SNAP29: variants seen among roughly 807,000 people sequenced by gnomAD.
SNAP29 encodes the protein synaptosome associated protein 29.
A neutral mutation model predicts 27.9 loss-of-function variants in SNAP29; 13 were observed. That is an observed-to-expected ratio of 0.47 (90% CI 0.30 to 0.74). The LOEUF is 0.74. Ranked by LOEUF, SNAP29 falls within the 30% of genes least tolerant of loss-of-function variation. The pLI is 0.06. For missense variants in SNAP29, 368 were observed against 336.5 expected (o/e 1.09, Z -0.73); for synonymous variants, 119 against 127.1 (o/e 0.94, Z 0.43).
chr22:20,863,146 C>T (rs527324930), intron 1 of SNAP29, among the ~76,000 whole-genome samples: 2 of 152,330 alleles, frequency 1.3e-5, no homozygotes, highest in South Asian at 2.1e-4. Flanking sequence ...ACCTTGGCCT[C>T]CCAGTGCTGG....
chr22:20,868,871 C>T (rs370551249), intron 1 of SNAP29, among the ~76,000 whole-genome samples: 30 of 152,322 alleles, frequency 2.0e-4, no homozygotes, highest in African/African-American at 6.5e-4. Context: ...CAACCAGAAC[C>T]ATCAGCTCTG....
intron 1 of SNAP29, among the ~76,000 whole-genome samples, chr22:20,860,535 T>G (rs989167267): frequency 1.7e-4 from 26 of 151,368 alleles, no homozygotes; most frequent in African/African-American, 6.3e-4. Context: ...ACCCGGCTAA[T>G]TTTTTTTGTA....
At position 20,888,199 on chromosome 22, in the gene SNAP29, C is replaced by A. The variant is rs1601657181; in HGVS notation, c.*363C>A. ...AGAATTTCAGTCTTGCAGCCATGAG[C>A]CTCTATTTCTCATTCCTAAGCCTTA... On this transcript the variant is annotated 3_prime_UTR_variant, in exon 5 of 5. Coordinates refer to ENST00000215730, the MANE Select transcript of SNAP29 (RefSeq NM_004782.4). 5.8e-6 allele frequency: 2 copies of A among 345,710 alleles called. No homozygotes were observed. The highest frequency in any genetic ancestry group is 1.6e-4 in the East Asian group (2 of 12,850). The allele number at this position is 345,710 out of a possible 1,614,324, so 21.4% of individuals were successfully genotyped here. A position where few individuals can be genotyped will look rare whatever the true frequency, so the allele number is the denominator to read the frequency against.
intron 2 of SNAP29, among the ~76,000 whole-genome samples, chr22:20,877,785 T>A (rs556581644): frequency 6.6e-6 from 1 of 152,144 alleles, no homozygotes; most frequent in Admixed American, 6.5e-5. Flanking sequence ...ACCATTGTTT[T>A]CCTCATTTAT....
Position 20,877,006 on chromosome 22 carries a change from C to T in SNAP29, c.435-4043C>T, listed in dbSNP as rs7288190. Among the ~76,000 whole-genome samples the T allele has an allele frequency of 6.1e-4, 93 of 152,290 alleles. 1 individual carries two copies. The highest frequency in any genetic ancestry group is 2.0e-3 in the African/African-American group (85 of 41,572). On this transcript the variant is annotated intron_variant, in intron 2 of 4. Coordinates refer to ENST00000215730, the MANE Select transcript of SNAP29 (RefSeq NM_004782.4). ...TTCTCATTTCCACTTACAGCTCATG[C>T]GTTCCTGTCACATATGCACCCTTAA...
chr22:20,875,858 CA>C (rs890643296), intron 2 of SNAP29, among the ~76,000 whole-genome samples: 220 of 142,974 alleles, frequency 1.5e-3, no homozygotes, highest in Middle Eastern at 3.6e-3. Context: ...CATGGACGAC[CA>C]AAAAAAAAAA....
In SNAP29 at chr22:20,859,019, A is replaced by G. The variant is rs1437439567; in HGVS notation, c.-92A>G. ...ACGCGCGGAAGGAGTTCGCGCGACG[A>G]CCGCGGGGTCGGCGGGCGGGGCGAG... On this transcript the variant is annotated 5_prime_UTR_variant, in exon 1 of 5. Transcript: ENST00000215730. The G allele has an allele frequency of 1.5e-6, 2 of 1,376,094 alleles. No homozygotes were observed. The highest frequency in any genetic ancestry group is 5.1e-5 in the East Asian group (2 of 39,378). The allele number at this position is 1,376,094 out of a possible 1,614,324, so 85.2% of individuals were successfully genotyped here.
At chr22:20,863,106 C>G (rs1928368064) in intron 1 of SNAP29, among the ~76,000 whole-genome samples, 1 of 152,150 alleles carries the variant, frequency 6.6e-6, no homozygotes, top group Non-Finnish European at 1.5e-5. Context: ...CCAGGCTAGT[C>G]TCGAATTCCT....
chr22:20,871,689 T>C (rs1487196402), intron 2 of SNAP29, among the ~76,000 whole-genome samples: 1 of 152,066 alleles, frequency 6.6e-6, no homozygotes, highest in East Asian at 1.9e-4. Flanking sequence ...AAGACCATCC[T>C]GGCTAACATG....
At chr22:20,875,326 C>T (rs999487680) in intron 2 of SNAP29, among the ~76,000 whole-genome samples, 2 of 152,182 alleles carry the variant, frequency 1.3e-5, no homozygotes, top group African/African-American at 2.4e-5. Context: ...CCTAGATTAG[C>T]CCCAATCAGT....
At chr22:20,883,621 T>G in intron 4 of SNAP29, 52 bp downstream of exon 4, 1 of 1,203,120 alleles carries the variant, frequency 8.3e-7, no homozygotes, top group Non-Finnish European at 1.2e-6. Flanking sequence ...TTCAGGCAGC[T>G]TACGCCAAGC....
chr22:20,883,471 A>ACCCT lies in SNAP29; in HGVS notation c.522_525dup (p.Val176ProfsTer13), dbSNP rs1309360666. 1 of 1,603,090 alleles carries ACCCT rather than the reference A, an allele frequency of 6.2e-7. No individual in the cohort carries two copies. The highest frequency in any genetic ancestry group is 1.3e-5 in the African/African-American group (1 of 74,628). Reference sequence around the variant, plus strand: ...TCCTGGTGTTTCCTTCTAAACTTAGACCCTGTCCCCAGAGGGGCTGGTTCT... The same window carrying ACCCT: ...TCCTGGTGTTTCCTTCTAAACTTAGACCCTCCCTGTCCCCAGAGGGGCTGGTTCT... On this transcript the variant is annotated frameshift_variant and splice_region_variant, in exon 4 of 5. Coordinates refer to ENST00000215730, the MANE Select transcript of SNAP29 (RefSeq NM_004782.4). LOFTEE classifies it high-confidence loss of function.
intron 3 of SNAP29, among the ~76,000 whole-genome samples, chr22:20,882,466 T>G (rs1324862606): frequency 6.6e-6 from 1 of 152,126 alleles, no homozygotes; most frequent in Admixed American, 6.6e-5. Context: ...AAAGGCTTAC[T>G]GTGCTGCCTT....
chr22:20,875,237 G>A (rs1438665364), intron 2 of SNAP29, among the ~76,000 whole-genome samples: 1 of 152,152 alleles, frequency 6.6e-6, no homozygotes, highest in Non-Finnish European at 1.5e-5. Context: ...AGCTTTCCAA[G>A]CTGCTTGTTC....
intron 2 of SNAP29, among the ~76,000 whole-genome samples, chr22:20,871,691 G>A (rs1928595431): frequency 1.3e-5 from 2 of 152,094 alleles, no homozygotes; most frequent in East Asian, 1.9e-4. Flanking sequence ...GACCATCCTG[G>A]CTAACATGGT....
At chr22:20,886,550 C>A (rs1659919842) in intron 4 of SNAP29, among the ~76,000 whole-genome samples, 1 of 151,944 alleles carries the variant, frequency 6.6e-6, no homozygotes, top group Admixed American at 6.6e-5. Flanking sequence ...CTCAAGTGAT[C>A]CACCCACCTC....
intron 2 of SNAP29, 175 bp downstream of exon 2, chr22:20,870,708 C>A: frequency 1.5e-6 from 1 of 680,506 alleles, no homozygotes; most frequent in South Asian, 1.6e-5. Flanking sequence ...CTTCCCTGAT[C>A]CCATGTTCAC....
Position 20,883,488 on chromosome 22 carries a change from G to T in SNAP29, c.538G>T (p.Ala180Ser), listed in dbSNP as rs1392768200. 2 of 1,612,202 alleles carry T rather than the reference G, an allele frequency of 1.2e-6. No individual in the cohort carries two copies. Among genetic ancestry groups the T allele is most frequent in the East Asian group, 2.2e-5 (1 of 44,868 alleles). ...AAACTTAGACCCTGTCCCCAGAGGG[G>T]CTGGTTCTGCCATGAGTACTGATGC... ...LDDTDPVPRG[A>S]GSAMSTDAYP... Residue 180 changes from alanine to serine, a missense_variant, in exon 4 of 5, where the codon GCT becomes TCT. Coordinates refer to ENST00000215730, the MANE Select transcript of SNAP29 (RefSeq NM_004782.4).
chr22:20,876,905 AC>A (rs1777334352), intron 2 of SNAP29, among the ~76,000 whole-genome samples: 1 of 151,990 alleles, frequency 6.6e-6, no homozygotes, highest in Non-Finnish European at 1.5e-5. Context: ...TATCACACAA[AC>A]CCTTCGGCCT....
Sources: gnomAD v4.1 joint callset for allele counts (sites outside exome capture counted in the v4.1 genomes callset) on GRCh38, gnomAD v4.1.1 for gene constraint, MANE v1.5 for transcripts, NCBI Gene and HGNC (gene_info 2026-07-23, HGNC 2026-07-21) for gene names.